Variants in AHCTF1 observed in about 807,000 individuals in gnomAD.
AHCTF1 encodes the protein AT-hook containing transcription factor 1.
Under a neutral mutation model 248.4 loss-of-function variants are expected in AHCTF1, and 24 were observed. The ratio of observed to expected loss-of-function variants is 0.10; its 90% confidence interval spans 0.07 to 0.14. AHCTF1 has a LOEUF of 0.14. Among genes scored for constraint, AHCTF1 ranks in the 10% least tolerant of loss-of-function variants. The pLI is 1.00. For synonymous variants in AHCTF1, 786 were observed against 929.8 expected (o/e 0.85, Z 2.81); for missense variants, 2,206 against 2,636.2 (o/e 0.84, Z 3.57).
chr1:246,918,504 A>C lies in AHCTF1; in HGVS notation c.-7-127T>G, dbSNP rs150807473. The C allele has an allele frequency of 1.7e-5, 17 of 974,186 alleles. No individual in the cohort carries two copies. The African/African-American group carries it at 2.7e-4, about 15-fold the overall frequency. The allele number at this position is 974,186 out of a possible 1,614,324, so 60.3% of individuals were successfully genotyped here. A position where few individuals can be genotyped will look rare whatever the true frequency, so the allele number is the denominator to read the frequency against. ...AAGAAAAACTAAAATCTGGTTACAAAATACATATTGGCCAGATGCGGAGGC... is the reference window on the plus strand; with the variant it reads ...AAGAAAAACTAAAATCTGGTTACAACATACATATTGGCCAGATGCGGAGGC... On this transcript the variant is annotated intron_variant, in intron 1 of 35. Transcript: ENST00000648844.
rs1490748266 is a variant in AHCTF1 at position 246,881,847 on chromosome 1, AAC to A, written c.2660+3644_2660+3645del. ...AGCAAGGCTCCGTCTCAAAAAAAAA[AAC>A]CAAAAAAAAAAACAAAAAAAAAAGA... On this transcript the variant is annotated intron_variant, in intron 21 of 35. Transcript: ENST00000648844. Among the ~76,000 whole-genome samples, 9 of 140,264 alleles carry A rather than the reference AAC, an allele frequency of 6.4e-5. No homozygotes were observed. The East Asian group carries it at 1.1e-3, about 17-fold the overall frequency. The allele number at this position is 140,264 out of a possible 152,430, so 92.0% of individuals were successfully genotyped here. A position where few individuals can be genotyped will look rare whatever the true frequency, so the allele number is the denominator to read the frequency against.
chr1:246,885,416 T>C lies in AHCTF1; in HGVS notation c.2660+77A>G. 3 of 1,252,960 alleles carry C rather than the reference T, an allele frequency of 2.4e-6. No individual in the cohort carries two copies. The South Asian group carries it at 4.9e-5, about 21-fold the overall frequency. 77.6% of individuals were successfully genotyped at this position (1,252,960 alleles called of 1,614,324 possible). ...ACTGACTTAACGGCCAATTGTATAT[T>C]GCCACTGTCTATCTCATCAATTCCA... On this transcript the variant is annotated intron_variant, in intron 21 of 35. Transcript: ENST00000648844.
chr1:246,898,696 T>G (rs538508710), intron 11 of AHCTF1, among the ~76,000 whole-genome samples: 21 of 152,034 alleles, frequency 1.4e-4, no homozygotes, highest in African/African-American at 4.8e-4. Context: ...CCTCTTTATC[T>G]AATGTGAAAG....
intron 21 of AHCTF1, among the ~76,000 whole-genome samples, chr1:246,882,250 GC>G (rs1279439016): frequency 6.6e-6 from 1 of 151,972 alleles, no homozygotes; most frequent in Non-Finnish European, 1.5e-5. Flanking sequence ...ACCCGCCTCA[GC>G]CTCCCAAAGT....
intron 1 of AHCTF1, among the ~76,000 whole-genome samples, chr1:246,919,435 C>T (rs1051370309): frequency 4.6e-5 from 7 of 152,064 alleles, no homozygotes; most frequent in African/African-American, 1.2e-4. Context: ...CTCAAGAGGC[C>T]GGGCGTGGTG....
intron 14 of AHCTF1, among the ~76,000 whole-genome samples, chr1:246,893,761 T>C (rs1437319515): frequency 2.6e-5 from 4 of 152,230 alleles, no homozygotes; most frequent in African/African-American, 9.6e-5. Flanking sequence ...CTTCTGAGGG[T>C]TACCTAGCAC....
chr1:246,874,241 T>C (rs573723235), intron 24 of AHCTF1, among the ~76,000 whole-genome samples: 99 of 152,142 alleles, frequency 6.5e-4, no homozygotes, highest in Admixed American at 2.9e-3. Flanking sequence ...GAGACCATCT[T>C]TGAGGTGGGC....
chr1:246,867,926 G>A (rs531229670), intron 24 of AHCTF1, 115 bp from the exon 25 acceptor site: 36 of 354,364 alleles, frequency 1.0e-4, no homozygotes, highest in Middle Eastern at 1.5e-3. Context: ...CACACATTAC[G>A]TGGTAATACT....
At chr1:246,886,804 T>C (rs1663847795) in intron 20 of AHCTF1, among the ~76,000 whole-genome samples, 1 of 152,198 alleles carries the variant, frequency 6.6e-6, no homozygotes, top group Non-Finnish European at 1.5e-5. Flanking sequence ...AACTGTATTT[T>C]AAAGAATAAA....
intron 8 of AHCTF1, among the ~76,000 whole-genome samples, chr1:246,901,879 ATG>A (rs770166834): frequency 6.6e-6 from 1 of 152,188 alleles, no homozygotes; most frequent in Non-Finnish European, 1.5e-5. Context: ...TCATGACAAC[ATG>A]TGCTTTTCAC....
At chr1:246,842,824 T>A (rs1659979544) in intron 34 of AHCTF1, 48 bp from the exon 35 acceptor site, 1 of 1,502,712 alleles carries the variant, frequency 6.7e-7, no homozygotes, top group Non-Finnish European at 9.2e-7. Context: ...ACGAATCCAA[T>A]TTTAAAACTT....
At chr1:246,885,938 G>A (rs189350958) in intron 20 of AHCTF1, among the ~76,000 whole-genome samples, 23 of 152,260 alleles carry the variant, frequency 1.5e-4, no homozygotes, top group Admixed American at 3.3e-4. Flanking sequence ...TGTAATCTCC[G>A]CACTTTGGGA....
intron 32 of AHCTF1, 39 bp downstream of exon 32, chr1:246,853,050 CTG>C: frequency 6.7e-7 from 1 of 1,500,094 alleles, no homozygotes; most frequent in Non-Finnish European, 9.1e-7. Context: ...TAAACCAAAA[CTG>C]AAAGACTGAT....
chr1:246,864,000 G>A lies in AHCTF1; in HGVS notation c.3464C>T (p.Ser1155Leu), dbSNP rs377375258. Residue 1155 changes from serine to leucine, a missense_variant, in exon 27 of 36, where the codon TCG becomes TTG. Ser to Leu is a moderately radical substitution (Grantham distance 145). Around this residue, in one of 6 missense-constraint regions of AHCTF1, gnomAD observed 955 missense variants for 1,055.6 expected, o/e 0.90. Coordinates refer to ENST00000648844, the MANE Select transcript of AHCTF1 (RefSeq NM_001323342.2). ...YLVSRSLPSSSQLKGSPQAIS... is the reference protein window; with the variant it reads ...YLVSRSLPSSLQLKGSPQAIS... ...GGCCTGAGGCGATCCTTTTAATTGCGAACTTGAGGGCAGTGAACGGGATAC... is the reference window on the plus strand; with the variant it reads ...GGCCTGAGGCGATCCTTTTAATTGCAAACTTGAGGGCAGTGAACGGGATAC... 130 of 1,614,074 alleles carry A rather than the reference G, an allele frequency of 8.1e-5. No homozygotes were observed. Among genetic ancestry groups the A allele is most frequent in the Non-Finnish European group, 1.1e-4 (124 of 1,180,024 alleles).
At chr1:246,849,114 A>C (rs548234416) in intron 33 of AHCTF1, among the ~76,000 whole-genome samples, 21 of 152,196 alleles carry the variant, frequency 1.4e-4, no homozygotes, top group Admixed American at 7.2e-4. Flanking sequence ...TTAGCTCGTG[A>C]CAATGAAGGA....
chr1:246,931,241 G>A, intron 1 of AHCTF1: 1 of 1,550,016 alleles, frequency 6.5e-7, no homozygotes, highest in Non-Finnish European at 8.7e-7. Context: ...TGGGAGAACA[G>A]TGGGAAAGGG....
chr1:246,890,716 T>A (rs984017459), intron 16 of AHCTF1, among the ~76,000 whole-genome samples: 3 of 152,142 alleles, frequency 2.0e-5, no homozygotes, highest in Non-Finnish European at 4.4e-5. Flanking sequence ...TTTTCTCAAA[T>A]TTGCTTTCCT....
chr1:246,842,642 G>A, intron 35 of AHCTF1, 52 bp downstream of exon 35: 2 of 1,480,728 alleles, frequency 1.4e-6, no homozygotes, highest in Non-Finnish European at 1.9e-6. Flanking sequence ...TGGGGACAGA[G>A]CGAGACTGTC....
chr1:246,917,160 C>G (rs532091281), intron 2 of AHCTF1, among the ~76,000 whole-genome samples: 1 of 152,308 alleles, frequency 6.6e-6, no homozygotes, highest in African/African-American at 2.4e-5. Context: ...AGTAGCCGCA[C>G]TGGGTGGAAG....
Sources: allele counts gnomAD v4.1 joint callset (sites outside exome capture counted in the v4.1 genomes callset), GRCh38; gene constraint gnomAD v4.1.1; regional missense constraint gnomAD v4.1.1; transcripts MANE v1.5; gene names NCBI Gene and HGNC (gene_info 2026-07-23, HGNC 2026-07-21).